The following LYPD6 variants were observed in gnomAD, a reference collection of about 807,000 sequenced individuals.
LYPD6 encodes the protein ly6/PLAUR domain-containing protein 6.
Under a neutral mutation model 22.7 loss-of-function variants are expected in LYPD6, and 15 were observed. The ratio of observed to expected loss-of-function variants is 0.66; its 90% CI spans 0.44 to 1.02. LYPD6 has a LOEUF of 1.02. Among genes scored for constraint, LYPD6 ranks in the 50% least tolerant of loss-of-function variants. The pLI is 0.00. For synonymous variants in LYPD6, 72 were observed against 77.5 expected (o/e 0.93, Z 0.37); for missense variants, 189 against 208.4 (o/e 0.91, Z 0.57).
At chr2:149,427,746 G>A (rs1238926778) in intron 1 of LYPD6, among the ~76,000 whole-genome samples, 1 of 152,188 alleles carries the variant, frequency 6.6e-6, no homozygotes, top group Non-Finnish European at 1.5e-5. Flanking sequence ...TATACCATCT[G>A]GGCTTGTATA....
intron 1 of LYPD6, among the ~76,000 whole-genome samples, chr2:149,337,149 G>C (rs1376385919): frequency 6.6e-6 from 1 of 152,118 alleles, no homozygotes; most frequent in Non-Finnish European, 1.5e-5. Context: ...CACCGAATCT[G>C]TTTCTTTCCT....
chr2:149,456,112 G>T (rs1438959779), intron 3 of LYPD6, among the ~76,000 whole-genome samples: 1 of 152,176 alleles, frequency 6.6e-6, no homozygotes, highest in Admixed American at 6.5e-5. Context: ...GAGCAGAAAA[G>T]CCAAAACAAT....
chr2:149,486,110 C>G, the LYPD6 span, among the ~76,000 whole-genome samples: 3 of 152,208 alleles, frequency 2.0e-5, no homozygotes, highest in African/African-American at 7.2e-5. Context: ...AATATTGTCT[C>G]TATTCCATTC....
At chr2:149,401,058 C>T (rs921559807) in intron 1 of LYPD6, among the ~76,000 whole-genome samples, 8 of 152,290 alleles carry the variant, frequency 5.3e-5, no homozygotes, top group African/African-American at 1.9e-4. Flanking sequence ...GAAGGAAAAG[C>T]AAAAGTCCAG....
intron 1 of LYPD6, among the ~76,000 whole-genome samples, chr2:149,399,410 T>C (rs1449834207): frequency 1.3e-5 from 2 of 152,120 alleles, no homozygotes; most frequent in Non-Finnish European, 2.9e-5. Flanking sequence ...GCACATGTTA[T>C]TGAGTTTGTG....
chr2:149,484,074 C>G, the LYPD6 span, among the ~76,000 whole-genome samples: 5 of 152,216 alleles, frequency 3.3e-5, no homozygotes, highest in Admixed American at 2.6e-4. Flanking sequence ...AGTGAGCTTA[C>G]AACAAACGTT....
chr2:149,384,437 C>T (rs1484791817), intron 1 of LYPD6, among the ~76,000 whole-genome samples: 3 of 152,194 alleles, frequency 2.0e-5, no homozygotes, highest in Non-Finnish European at 4.4e-5. Flanking sequence ...GGGGATGTGT[C>T]TCCTCCAAGT....
At chr2:149,384,095 A>G (rs1682127173) in intron 1 of LYPD6, among the ~76,000 whole-genome samples, 1 of 152,212 alleles carries the variant, frequency 6.6e-6, no homozygotes, top group African/African-American at 2.4e-5. Flanking sequence ...GTTCCATAGT[A>G]GAATCCCATT....
At chr2:149,394,912 G>T (rs1172037653) in intron 1 of LYPD6, among the ~76,000 whole-genome samples, 1 of 152,100 alleles carries the variant, frequency 6.6e-6, no homozygotes, top group Non-Finnish European at 1.5e-5. Context: ...TTTGTCATGT[G>T]CCCAGGATCC....
At chr2:149,368,582 A>G (rs534982909) in intron 1 of LYPD6, among the ~76,000 whole-genome samples, 3 of 152,266 alleles carry the variant, frequency 2.0e-5, no homozygotes, top group Admixed American at 2.0e-4. Context: ...CAGGAATAAA[A>G]TGATCATCAG....
chr2:149,392,461 G>A (rs1682333175), intron 1 of LYPD6, among the ~76,000 whole-genome samples: 1 of 152,134 alleles, frequency 6.6e-6, no homozygotes, highest in African/African-American at 2.4e-5. Flanking sequence ...AGAGGAAAGT[G>A]GGACTTGTGA....
chr2:149,331,945 C>T (rs1354014606), intron 1 of LYPD6, among the ~76,000 whole-genome samples: 2 of 152,170 alleles, frequency 1.3e-5, no homozygotes, highest in African/African-American at 4.8e-5. Context: ...CATTTTCTTT[C>T]GAGTGAGAGG....
chr2:149,446,210 T>A (rs1025477064), intron 2 of LYPD6, among the ~76,000 whole-genome samples: 5 of 152,194 alleles, frequency 3.3e-5, no homozygotes, highest in Non-Finnish European at 7.3e-5. Context: ...ATTATAATAG[T>A]ATTTCAGAGA....
intron 1 of LYPD6, among the ~76,000 whole-genome samples, chr2:149,338,187 G>A (rs562929871): frequency 6.6e-4 from 101 of 152,278 alleles, no homozygotes; most frequent in East Asian, 1.2e-3. Flanking sequence ...GGATTGCTGG[G>A]TCAAGTGGTA....
chr2:149,435,868 T>C (rs1228474303), intron 1 of LYPD6, among the ~76,000 whole-genome samples: 1 of 152,220 alleles, frequency 6.6e-6, no homozygotes, highest in Non-Finnish European at 1.5e-5. Context: ...TCTACTCTGT[T>C]GTCTAACAAT....
chr2:149,408,038 C>T (rs999799477), intron 1 of LYPD6, among the ~76,000 whole-genome samples: 1 of 152,166 alleles, frequency 6.6e-6, no homozygotes, highest in Non-Finnish European at 1.5e-5. Context: ...GCGGTGTTTG[C>T]AAAACCGCGG....
intron 1 of LYPD6, among the ~76,000 whole-genome samples, chr2:149,417,363 A>G (rs530564675): frequency 6.6e-6 from 1 of 152,362 alleles, no homozygotes; most frequent in East Asian, 1.9e-4. Context: ...GACAGTTTCT[A>G]ACTGTGGACC....
chr2:149,369,270 A>G (rs1426332848), intron 1 of LYPD6, among the ~76,000 whole-genome samples: 1 of 152,172 alleles, frequency 6.6e-6, no homozygotes, highest in Admixed American at 6.5e-5. Context: ...AAGGCACTCA[A>G]GGTTCTGGAA....
intron 1 of LYPD6, among the ~76,000 whole-genome samples, chr2:149,407,820 A>G (rs931293883): frequency 6.6e-5 from 10 of 151,940 alleles, no homozygotes; most frequent in Admixed American, 6.6e-4. Context: ...TGGTTTTTAG[A>G]GTTTCCAGTT....
Sources: allele counts gnomAD v4.1 joint callset (sites outside exome capture counted in the v4.1 genomes callset), GRCh38; gene constraint gnomAD v4.1.1; transcripts MANE v1.5; gene names NCBI Gene and HGNC (gene_info 2026-07-23, HGNC 2026-07-21).